Variants in SZRD1 observed in about 807,000 individuals in gnomAD.
SZRD1 encodes the protein SUZ RNA binding domain containing 1, also known as SUZ RNA-binding domain-containing.
Under a neutral mutation model 17.6 loss-of-function variants are expected in SZRD1, and 7 were observed. The observed-to-expected ratio is 0.40, with a 90% confidence interval of 0.23 to 0.75. SZRD1 has a LOEUF of 0.75. Among genes scored for constraint, SZRD1 ranks in the 30% least tolerant of loss-of-function variants. SZRD1 has a pLI of 0.38. For synonymous variants in SZRD1, 77 were observed against 77.9 expected (o/e 0.99, Z 0.06); for missense variants, 178 against 201.8 (o/e 0.88, Z 0.71).
chr1:16,380,341 G>A lies in SZRD1; in HGVS notation c.52-11034G>A, dbSNP rs57310992. On this transcript the variant is annotated intron_variant, in intron 1 of 3. Transcript: ENST00000401088. ...TATTTTTGAGCTGGAGTCTCACCCTGTCTCCCAGGCTGGAGTGCAGTGGCA... is the reference window on the plus strand; with the variant it reads ...TATTTTTGAGCTGGAGTCTCACCCTATCTCCCAGGCTGGAGTGCAGTGGCA... Among the ~76,000 whole-genome samples the A allele has an allele frequency of 3.2e-3, 481 of 151,448 alleles. 20 individuals are homozygous for A. The East Asian group carries it at 0.081, about 25-fold the overall frequency.
intron 1 of SZRD1, among the ~76,000 whole-genome samples, chr1:16,385,841 A>G (rs1273435433): frequency 6.6e-6 from 1 of 152,144 alleles, no homozygotes; most frequent in African/African-American, 2.4e-5. Context: ...TAAAATTGCA[A>G]ATGTTGACAT....
chr1:16,385,192 A>G (rs909152837), intron 1 of SZRD1, among the ~76,000 whole-genome samples: 1 of 152,098 alleles, frequency 6.6e-6, no homozygotes, highest in Non-Finnish European at 1.5e-5. Context: ...GTTCTCAGAG[A>G]GAGGGATGCT....
intron 1 of SZRD1, among the ~76,000 whole-genome samples, chr1:16,379,995 G>A (rs1295478799): frequency 1.3e-5 from 2 of 151,978 alleles, no homozygotes; most frequent in Admixed American, 6.6e-5. Flanking sequence ...TCTTTAATTC[G>A]TGTGTTGGGT....
chr1:16,374,177 A>G (rs1195281846), intron 1 of SZRD1, among the ~76,000 whole-genome samples: 3 of 152,224 alleles, frequency 2.0e-5, no homozygotes, highest in African/African-American at 7.2e-5. Context: ...GTGGTATCAC[A>G]GAAAGCACAG....
At chr1:16,368,913 C>T (rs1190751877) in intron 1 of SZRD1, among the ~76,000 whole-genome samples, 1 of 152,068 alleles carries the variant, frequency 6.6e-6, no homozygotes, top group African/African-American at 2.4e-5. Flanking sequence ...AAGTTGGAGG[C>T]AAATGAACAA....
At chr1:16,387,020 A>G (rs2085136403) in intron 1 of SZRD1, 1 of 276,542 alleles carries the variant, frequency 3.6e-6, no homozygotes, top group Non-Finnish European at 7.1e-6. Context: ...CCCTCATCTG[A>G]CAGAAGGATA....
chr1:16,390,143 T>C (rs2085199254), intron 1 of SZRD1, among the ~76,000 whole-genome samples: 1 of 152,216 alleles, frequency 6.6e-6, no homozygotes, highest in Non-Finnish European at 1.5e-5. Context: ...CCATTAGAGC[T>C]AGTTGATCTT....
rs1339040986 is a variant in SZRD1 at position 16,397,182 on chromosome 1, G to A, written c.*2042G>A. The A allele has an allele frequency of 6.6e-6, 1 of 152,298 alleles. No individual in the cohort carries two copies. The highest frequency in any genetic ancestry group is 1.5e-5 in the Non-Finnish European group (1 of 68,084). 9.4% of individuals were successfully genotyped at this position (152,298 alleles called of 1,614,324 possible). A position where few individuals can be genotyped will look rare whatever the true frequency, so the allele number is the denominator to read the frequency against. On this transcript the variant is annotated 3_prime_UTR_variant, in exon 4 of 4. Coordinates refer to ENST00000401088, the MANE Select transcript of SZRD1 (RefSeq NM_001114600.3). The surrounding 1 kb of genome is among the most constrained non-coding windows in gnomAD (Gnocchi z 5.4). ...CCTCTAGTGGGAGGCCAAAGTAAAG[G>A]CTGGCTGGTGGGTGTCTGTGGATTG...
At chr1:16,387,419 TATG>T (rs2085144727) in intron 1 of SZRD1, 2 of 448,710 alleles carry the variant, frequency 4.5e-6, no homozygotes, top group Non-Finnish European at 9.0e-6. Context: ...CTCGCAGCGA[TATG>T]AAAGTGAAAG....
intron 1 of SZRD1, chr1:16,387,574 C>T: frequency 4.4e-6 from 2 of 456,722 alleles, no homozygotes; most frequent in Non-Finnish European, 4.4e-6. Flanking sequence ...CCTGCAGCCC[C>T]TTCACTTCCC....
chr1:16,370,118 C>G (rs1161001050), intron 1 of SZRD1, among the ~76,000 whole-genome samples: 1 of 152,086 alleles, frequency 6.6e-6, no homozygotes, highest in East Asian at 1.9e-4. Context: ...GATTTGATCC[C>G]AAGCATGTCT....
In SZRD1 at chr1:16,391,692, C is replaced by CT. The variant is rs766213510; in HGVS notation, c.101+270dup. ...TGTGAGGAAGTGACAAGTTGGAAGA[C>CT]TTGAGTTTTAGGCCTGGCAGTGCCC... On this transcript the variant is annotated intron_variant, in intron 2 of 3. Transcript: ENST00000401088. This position sits in a 1 kb window ranked among gnomAD's most constrained non-coding sequence, Gnocchi z 4.3. Among the ~76,000 whole-genome samples the CT allele has an allele frequency of 5.9e-5, 9 of 152,014 alleles. No homozygotes were observed. The highest frequency in any genetic ancestry group is 1.2e-4 in the Non-Finnish European group (8 of 68,022).
At chr1:16,378,596 T>C (rs1027586675) in intron 1 of SZRD1, among the ~76,000 whole-genome samples, 3 of 151,736 alleles carry the variant, frequency 2.0e-5, no homozygotes, top group Non-Finnish European at 4.4e-5. Flanking sequence ...GGCAACTTAT[T>C]TATAGCTTTA....
chr1:16,385,069 G>A (rs2083166102), intron 1 of SZRD1, among the ~76,000 whole-genome samples: 1 of 152,222 alleles, frequency 6.6e-6, no homozygotes, highest in Admixed American at 6.5e-5. Flanking sequence ...CAATAAAAGA[G>A]TATTTTCTAA....
chr1:16,380,956 A>T lies in SZRD1; in HGVS notation c.52-10419A>T, dbSNP rs571822392. On this transcript the variant is annotated intron_variant, in intron 1 of 3. Transcript: ENST00000401088. ...GAAAAAAATAGCTGGGCATAGTGGC[A>T]TGTGCTTGTAATCCCAGCTGCTCAG... Among the ~76,000 whole-genome samples, 83 of 150,802 alleles carry T rather than the reference A, an allele frequency of 5.5e-4. 1 individual carries two copies. The South Asian group carries it at 0.015, about 28-fold the overall frequency.
Position 16,367,316 on chromosome 1 carries a change from G to A in SZRD1, c.51+8G>A, listed in dbSNP as rs2082836999. 1 of 1,548,190 alleles carries A rather than the reference G, an allele frequency of 6.5e-7. No individual in the cohort carries two copies. On this transcript the variant is annotated splice_region_variant and intron_variant, in intron 1 of 3. Coordinates refer to ENST00000401088, the MANE Select transcript of SZRD1 (RefSeq NM_001114600.3). Reference sequence around the variant, plus strand: ...GAGGCGGCAGACAGCGGGGTAAGGAGGAGCCGCCGTCCCATGGCAGGGCCG... The same window carrying A: ...GAGGCGGCAGACAGCGGGGTAAGGAAGAGCCGCCGTCCCATGGCAGGGCCG...
intron 1 of SZRD1, among the ~76,000 whole-genome samples, chr1:16,373,378 G>A (rs916441281): frequency 1.3e-5 from 2 of 151,868 alleles, no homozygotes; most frequent in Non-Finnish European, 2.9e-5. Flanking sequence ...TCAGGAGTTC[G>A]AGACCAGCTT....
In SZRD1 at chr1:16,396,394, A is replaced by G. The variant is rs1036509634; in HGVS notation, c.*1254A>G. On this transcript the variant is annotated 3_prime_UTR_variant, in exon 4 of 4. Coordinates refer to ENST00000401088, the MANE Select transcript of SZRD1 (RefSeq NM_001114600.3). ...CAGCTTTGCTTTGCAAAGATTGATG[A>G]CAGACTGGTTCCTCAGAGGCCTAGG... is the stretch of plus-strand genomic sequence containing the variant. 1 of 152,202 alleles carries G rather than the reference A, an allele frequency of 6.6e-6. No individual in the cohort carries two copies. The highest frequency in any genetic ancestry group is 2.4e-5 in the African/African-American group (1 of 41,428). 9.4% of individuals were successfully genotyped at this position (152,202 alleles called of 1,614,324 possible).
chr1:16,376,784 C>T (rs982786238), intron 1 of SZRD1, among the ~76,000 whole-genome samples: 5 of 132,682 alleles, frequency 3.8e-5, no homozygotes, highest in East Asian at 2.5e-4. Context: ...CCAGCCTGGG[C>T]GACACAGCGA....
Sources: gnomAD v4.1 joint callset for allele counts (sites outside exome capture counted in the v4.1 genomes callset) on GRCh38, gnomAD v4.1.1 for gene constraint, Gnocchi (gnomAD v3.1) non-coding constraint, MANE v1.5 for transcripts, NCBI Gene and HGNC (gene_info 2026-07-23, HGNC 2026-07-21) for gene names.